XKR4: variants seen among roughly 807,000 people sequenced by gnomAD.
XKR4 encodes XK-related protein 4.
Under a neutral mutation model 53.9 loss-of-function variants are expected in XKR4, and 12 were observed. The ratio of observed to expected loss-of-function variants is 0.22; its 90% CI spans 0.14 to 0.36. XKR4 has a LOEUF of 0.36. Ranked by LOEUF, XKR4 falls within the 10% of genes least tolerant of loss-of-function variation. The pLI is 1.00. For missense variants in XKR4, 799 were observed against 859.5 expected (o/e 0.93, Z 0.88); for synonymous variants, 354 against 362.4 (o/e 0.98, Z 0.26).
intron 1 of XKR4, among the ~76,000 whole-genome samples, chr8:55,292,049 T>C (rs918309548): frequency 6.6e-6 from 1 of 152,152 alleles, no homozygotes; most frequent in East Asian, 1.9e-4. Context: ...TGGTATATAA[T>C]TTTTATATGT....
At chr8:55,231,974 T>A (rs1818047601) in intron 1 of XKR4, among the ~76,000 whole-genome samples, 1 of 152,220 alleles carries the variant, frequency 6.6e-6, no homozygotes, top group South Asian at 2.1e-4. Context: ...ATTCATTTAG[T>A]TGTGACTGAG....
At chr8:55,477,691 C>A (rs575746357) in intron 2 of XKR4, among the ~76,000 whole-genome samples, 9 of 137,708 alleles carry the variant, frequency 6.5e-5, no homozygotes, top group African/African-American at 2.9e-4. Flanking sequence ...CTAGGATAAC[C>A]AACGCAGAGA....
intron 1 of XKR4, 58 bp from the exon 2 acceptor site, chr8:55,357,620 T>C: frequency 6.3e-7 from 1 of 1,585,940 alleles, no homozygotes; most frequent in Non-Finnish European, 8.6e-7. Context: ...AACCCTGGAG[T>C]TTGAATTATA....
At chr8:55,194,418 A>G (rs1022051895) in intron 1 of XKR4, among the ~76,000 whole-genome samples, 4 of 152,192 alleles carry the variant, frequency 2.6e-5, no homozygotes, top group African/African-American at 4.8e-5. Flanking sequence ...GCCAGGATTC[A>G]GGCTTAGGTG....
At chr8:55,251,650 C>G (rs1818363869) in intron 1 of XKR4, among the ~76,000 whole-genome samples, 1 of 152,076 alleles carries the variant, frequency 6.6e-6, no homozygotes, top group Non-Finnish European at 1.5e-5. Flanking sequence ...AATCTCTAAA[C>G]CATGAAGGAA....
At chr8:55,155,097 A>AATTG (rs1429226236) in intron 1 of XKR4, among the ~76,000 whole-genome samples, 1 of 152,152 alleles carries the variant, frequency 6.6e-6, no homozygotes, top group Non-Finnish European at 1.5e-5. Context: ...TCTCTAGAGA[A>AATTG]ATTGATTCAG....
At chr8:55,248,565 TA>T (rs1415576824) in intron 1 of XKR4, among the ~76,000 whole-genome samples, 1 of 152,258 alleles carries the variant, frequency 6.6e-6, no homozygotes, top group East Asian at 1.9e-4. Flanking sequence ...CTTGTGTTTA[TA>T]AATGGCCCTT....
chr8:55,173,895 C>T (rs1057043036), intron 1 of XKR4, among the ~76,000 whole-genome samples: 1 of 152,128 alleles, frequency 6.6e-6, no homozygotes, highest in African/African-American at 2.4e-5. Flanking sequence ...TCTTTCACAA[C>T]TCAAATTTTG....
chr8:55,153,381 C>G (rs1816864138), intron 1 of XKR4, among the ~76,000 whole-genome samples: 1 of 152,166 alleles, frequency 6.6e-6, no homozygotes, highest in South Asian at 2.1e-4. Context: ...GCATTGGACT[C>G]TTAATGGAAG....
In XKR4 at chr8:55,461,015, A is replaced by T. The variant is rs183329139; in HGVS notation, c.1007-62266A>T. ...AACTGGGTGAGCCCACCACAGCTCA[A>T]GGAGGCCTGCCTCTGTAGGCTCCAC... On this transcript the variant is annotated intron_variant, in intron 2 of 2. Coordinates refer to ENST00000327381, the MANE Select transcript of XKR4 (RefSeq NM_052898.2). Among the ~76,000 whole-genome samples, 16 of 152,354 alleles carry T rather than the reference A, an allele frequency of 1.1e-4. 2 individuals carry two copies. The East Asian group carries it at 2.9e-3, about 28-fold the overall frequency.
At chr8:55,353,452 C>T (rs1018951278) in intron 1 of XKR4, among the ~76,000 whole-genome samples, 2 of 152,182 alleles carry the variant, frequency 1.3e-5, no homozygotes, top group South Asian at 4.1e-4. Flanking sequence ...CCACCAGAAA[C>T]TACTGAAGGG....
Position 55,155,632 on chromosome 8 carries a change from A to G in XKR4, c.806+52338A>G, listed in dbSNP as rs10808895. 5.3e-3 allele frequency among the ~76,000 whole-genome samples: 345 copies of G among 65,480 alleles called. 2 individuals carry two copies. The highest frequency in any genetic ancestry group is 0.035 in the African/African-American group (298 of 8,530). The allele number at this position is 65,480 out of a possible 152,430, so 43.0% of individuals were successfully genotyped here. A position where few individuals can be genotyped will look rare whatever the true frequency, so the allele number is the denominator to read the frequency against. On this transcript the variant is annotated intron_variant, in intron 1 of 2. Coordinates refer to ENST00000327381, the MANE Select transcript of XKR4 (RefSeq NM_052898.2). Reference sequence around the variant, plus strand: ...AGTAGAACAAAAAGATAAAGGCATTAAGAGAGAGAGAGAGAAAAAAAAATC... The same window carrying G: ...AGTAGAACAAAAAGATAAAGGCATTGAGAGAGAGAGAGAGAAAAAAAAATC...
intron 1 of XKR4, among the ~76,000 whole-genome samples, chr8:55,148,130 G>A (rs1202556704): frequency 6.6e-6 from 1 of 152,146 alleles, no homozygotes; most frequent in Admixed American, 6.6e-5. Context: ...TAAATACAGA[G>A]CTCTGATATC....
At chr8:55,367,700 C>T (rs1422227406) in intron 2 of XKR4, among the ~76,000 whole-genome samples, 2 of 152,180 alleles carry the variant, frequency 1.3e-5, no homozygotes, top group African/African-American at 4.8e-5. Context: ...TAATTTGCAT[C>T]TCCTGATAAT....
chr8:55,302,126 T>C (rs1346137597), intron 1 of XKR4, among the ~76,000 whole-genome samples: 2 of 152,074 alleles, frequency 1.3e-5, no homozygotes, highest in African/African-American at 4.8e-5. Context: ...TTTATGGTTT[T>C]AGGTCTAACA....
intron 2 of XKR4, among the ~76,000 whole-genome samples, chr8:55,399,340 A>C (rs1804566208): frequency 6.6e-6 from 1 of 152,194 alleles, no homozygotes; most frequent in Non-Finnish European, 1.5e-5. Context: ...TTCACCCTAA[A>C]GTACTACCAA....
At chr8:55,285,446 T>C (rs1424589492) in intron 1 of XKR4, among the ~76,000 whole-genome samples, 1 of 151,668 alleles carries the variant, frequency 6.6e-6, no homozygotes, top group African/African-American at 2.4e-5. Context: ...ATAGAGTGAA[T>C]GAATGAAGAA....
chr8:55,362,998 G>T (rs548632879), intron 2 of XKR4, among the ~76,000 whole-genome samples: 4 of 152,288 alleles, frequency 2.6e-5, no homozygotes, highest in Admixed American at 6.5e-5. Context: ...AACATTGTGC[G>T]GAAATAATGC....
intron 2 of XKR4, among the ~76,000 whole-genome samples, chr8:55,376,006 T>C (rs1396041814): frequency 2.0e-5 from 3 of 152,212 alleles, no homozygotes; most frequent in African/African-American, 7.2e-5. Context: ...TATATTAGTT[T>C]GTTGAGAATA....
Sources: allele counts gnomAD v4.1 joint callset (sites outside exome capture counted in the v4.1 genomes callset), GRCh38; gene constraint gnomAD v4.1.1; transcripts MANE v1.5; gene names NCBI Gene and HGNC (gene_info 2026-07-23, HGNC 2026-07-21).